Variants in OTC observed in about 807,000 individuals in gnomAD.
OTC encodes ornithine transcarbamylase.
A neutral mutation model predicts 30.3 loss-of-function variants in OTC; 3 were observed. That is an observed-to-expected ratio of 0.10 (90% CI 0.05 to 0.26). The LOEUF (loss-of-function observed/expected upper bound fraction) is 0.26. Among genes scored for constraint, OTC ranks in the 10% least tolerant of loss-of-function variants. The pLI is 1.00. For synonymous variants in OTC, 111 were observed against 99.7 expected, an observed-to-expected ratio of 1.11 and a Z score of -0.67; for missense variants, 194 against 260.3, an observed-to-expected ratio of 0.75 and a Z score of 1.75.
At chrX:38,371,059 GC>G (rs968328398) in intron 3 of OTC, among the ~76,000 whole-genome samples, 7 of 111,367 alleles carry the variant, frequency 6.3e-5, no homozygotes, top group Admixed American at 4.8e-4. Flanking sequence ...TTTCCAGCAT[GC>G]CCCCCCATCC....
intron 4 of OTC, among the ~76,000 whole-genome samples, chrX:38,389,254 A>G (rs1353430954): frequency 1.8e-5 from 2 of 111,860 alleles, no homozygotes; most frequent in Non-Finnish European, 3.8e-5. Flanking sequence ...TCAACCCACT[A>G]TAACCACATA....
chrX:38,374,643 G>A (rs1000769239), intron 3 of OTC, among the ~76,000 whole-genome samples: 10 of 111,336 alleles, frequency 9.0e-5, no homozygotes, highest in African/African-American at 2.3e-4. Flanking sequence ...AAACAGGGAA[G>A]TAGAAGGACA....
At chrX:38,405,720 C>G (rs1271937412) in intron 6 of OTC, among the ~76,000 whole-genome samples, 1 of 111,756 alleles carries the variant, frequency 8.9e-6, no homozygotes, top group African/African-American at 3.3e-5. Flanking sequence ...ACCCTTACAA[C>G]AGATAATTCT....
At chrX:38,336,626 T>C in the OTC span, among the ~76,000 whole-genome samples, 1 of 110,873 alleles carries the variant, frequency 9.0e-6, no homozygotes, top group African/African-American at 3.3e-5. Context: ...GCTTTCACCA[T>C]ACTTTTAATT....
intron 4 of OTC, 44 bp downstream of exon 4, chrX:38,381,473 G>A (rs2068376701): frequency 1.2e-6 from 1 of 843,183 alleles, no homozygotes; most frequent in South Asian, 2.1e-5. Context: ...TTCAGAATCT[G>A]ATGGATAAAT....
intron 2 of OTC, among the ~76,000 whole-genome samples, chrX:38,368,270 G>A (rs980664255): frequency 3.6e-5 from 4 of 111,470 alleles, no homozygotes; most frequent in Non-Finnish European, 5.7e-5. Flanking sequence ...TGAGGCAGGA[G>A]AATTGCTTGA....
At chrX:38,350,531 A>G (rs1052740362), upstream of OTC, among the ~76,000 whole-genome samples, 1 of 112,014 alleles carries the variant, frequency 8.9e-6, no homozygotes, top group African/African-American at 3.2e-5. Context: ...CACATGTGAC[A>G]TAATCAGCAG....
chrX:38,401,575 C>T, intron 5 of OTC, 147 bp downstream of exon 5: 1 of 518,611 alleles, frequency 1.9e-6, no homozygotes, highest in Non-Finnish European at 3.3e-6. Context: ...TGTGCATTTT[C>T]TGGGGAAAAC....
At chrX:38,364,663 G>T (rs1012226559) in intron 1 of OTC, among the ~76,000 whole-genome samples, 2 of 109,684 alleles carry the variant, frequency 1.8e-5, no homozygotes, top group Non-Finnish European at 3.8e-5. Flanking sequence ...GTGGTGGCAG[G>T]TGCCTGTAAT....
Position 38,352,656 on chromosome X carries a change from T to G in OTC, c.-41T>G. 9.3e-7 allele frequency: 1 copy of G among 1,080,213 alleles called. No homozygotes were observed. The highest frequency in any genetic ancestry group is 1.3e-6 in the Non-Finnish European group (1 of 776,081). 89.0% of individuals were successfully genotyped at this position (1,080,213 alleles called of 1,213,427 possible). On this transcript the variant is annotated 5_prime_UTR_variant, in exon 1 of 10. Transcript: ENST00000039007. ...CCCGCTGGCTAACTTGCTGTGGAGT[T>G]TTCAAGGGCATAGAATCGTCCTTTA...
At chrX:38,412,628 C>A (rs954682537) in intron 9 of OTC, among the ~76,000 whole-genome samples, 3 of 111,558 alleles carry the variant, frequency 2.7e-5, no homozygotes, top group Non-Finnish European at 3.8e-5. Context: ...CCAAATGTCA[C>A]CTGCTCTGGA....
chrX:38,392,946 TA>T (rs1344142332), intron 4 of OTC, among the ~76,000 whole-genome samples: 1 of 112,262 alleles, frequency 8.9e-6, no homozygotes, highest in Non-Finnish European at 1.9e-5. Flanking sequence ...TTTTTAAACC[TA>T]AAATAATAAA....
chrX:38,388,732 C>T (rs2068417219), intron 4 of OTC, among the ~76,000 whole-genome samples: 1 of 111,933 alleles, frequency 8.9e-6, no homozygotes, highest in African/African-American at 3.2e-5. Context: ...GTATGAAAGG[C>T]TCCATATAAA....
upstream of OTC, among the ~76,000 whole-genome samples, chrX:38,348,333 T>G (rs954560508): frequency 8.9e-6 from 1 of 111,895 alleles, no homozygotes; most frequent in Non-Finnish European, 1.9e-5. Context: ...GACATATGTC[T>G]TCTTGTCTGC....
At chrX:38,384,944 C>T (rs1441485637) in intron 4 of OTC, among the ~76,000 whole-genome samples, 3 of 111,826 alleles carry the variant, frequency 2.7e-5, no homozygotes, top group African/African-American at 9.7e-5. Context: ...ATTTTTCTTC[C>T]AGACATTGTT....
At chrX:38,338,307 A>T in the OTC span, among the ~76,000 whole-genome samples, 1 of 112,292 alleles carries the variant, frequency 8.9e-6, no homozygotes, top group Non-Finnish European at 1.9e-5. Flanking sequence ...CATGCCCTTT[A>T]TACTATTCTT....
chrX:38,387,675 T>C (rs746686699), intron 4 of OTC, among the ~76,000 whole-genome samples: 133 of 111,338 alleles, frequency 1.2e-3, no homozygotes, highest in Non-Finnish European at 2.2e-3. Context: ...ATGGCTAAGA[T>C]TTATCACAAC....
rs758372463 is a variant in OTC at position 38,412,113 on chromosome X, A to T, written c.1005+114A>T. 10 of 723,890 alleles carry T rather than the reference A, an allele frequency of 1.4e-5. No individual in the cohort carries two copies. In the African/African-American group the frequency reaches 3.1e-4, roughly 23 times the overall value. The allele number at this position is 723,890 out of a possible 1,213,427, so 59.7% of individuals were successfully genotyped here. On this transcript the variant is annotated intron_variant, in intron 9 of 9. Transcript: ENST00000039007. The stretch of plus-strand genomic sequence containing the variant: ...GATTATCCAACTACATTACTTGCTC[A>T]TGTAACATCTATTTTTTTCCAGAAA...
upstream of OTC, among the ~76,000 whole-genome samples, chrX:38,349,988 C>CT (rs761166889): frequency 1.4e-4 from 16 of 111,189 alleles, no homozygotes; most frequent in South Asian, 3.5e-3. Context: ...CTCACAGGTT[C>CT]CTTTTTTTGC....
Sources: gnomAD v4.1 joint callset for allele counts (sites outside exome capture counted in the v4.1 genomes callset) on GRCh38, gnomAD v4.1.1 for gene constraint, MANE v1.5 for transcripts, NCBI Gene and HGNC (gene_info 2026-07-23, HGNC 2026-07-21) for gene names.